The following NFX1 variants were observed in gnomAD, a reference collection of about 807,000 sequenced individuals.
NFX1 encodes the protein transcriptional repressor NF-X1.
A neutral mutation model predicts 137.2 loss-of-function variants in NFX1; 69 were observed. That is an observed-to-expected ratio of 0.50 (90% CI 0.41 to 0.61). The LOEUF is 0.61. Ranked by LOEUF, NFX1 falls within the 20% of genes least tolerant of loss-of-function variation. The pLI, the probability that NFX1 is intolerant of heterozygous loss-of-function variation, is 0.00. For synonymous variants in NFX1, 495 were observed against 474.1 expected (o/e 1.04, Z -0.57); for missense variants, 1,167 against 1,391.0 (o/e 0.84, Z 2.56).
intron 19 of NFX1, among the ~76,000 whole-genome samples, chr9:33,361,925 C>A (rs1824005380): frequency 6.6e-6 from 1 of 151,760 alleles, no homozygotes; most frequent in African/African-American, 2.4e-5. Context: ...GAGTTCAAGA[C>A]CAGCCTGGGC....
chr9:33,292,358 C>CT (rs2118140094), intron 1 of NFX1, among the ~76,000 whole-genome samples: 1 of 152,362 alleles, frequency 6.6e-6, no homozygotes, highest in African/African-American at 2.4e-5. Context: ...GCAGAGGATA[C>CT]TTTTCTGCCG....
intron 11 of NFX1, 30 bp from the exon 12 acceptor site, chr9:33,338,480 T>A: frequency 6.3e-7 from 1 of 1,597,610 alleles, no homozygotes; most frequent in Non-Finnish European, 8.6e-7. Flanking sequence ...TTTGTCTGGT[T>A]TTTTTTTTCT....
chr9:33,358,042 C>T (rs1823868889), intron 19 of NFX1, among the ~76,000 whole-genome samples: 1 of 151,970 alleles, frequency 6.6e-6, no homozygotes, highest in Non-Finnish European at 1.5e-5. Flanking sequence ...TTATGGTTTT[C>T]TATATATAAA....
At chr9:33,306,293 A>G (rs1324552274) in intron 4 of NFX1, among the ~76,000 whole-genome samples, 1 of 152,212 alleles carries the variant, frequency 6.6e-6, no homozygotes, top group Non-Finnish European at 1.5e-5. Context: ...CAGAAATAGG[A>G]AACCCTGAAA....
intron 2 of NFX1, among the ~76,000 whole-genome samples, chr9:33,298,604 C>G (rs1283040924): frequency 6.6e-6 from 1 of 152,064 alleles, no homozygotes; most frequent in East Asian, 1.9e-4. Context: ...TTAATGAGAC[C>G]CCATCTCTGC....
intron 9 of NFX1, among the ~76,000 whole-genome samples, chr9:33,325,814 G>A (rs1822563769): frequency 6.6e-6 from 1 of 152,078 alleles, no homozygotes; most frequent in Admixed American, 6.6e-5. Context: ...CAGGCTATAA[G>A]CAAGTAAACC....
chr9:33,357,001 A>AAG lies in NFX1; in HGVS notation c.2873+2110_2873+2111insGA, dbSNP rs750866215. On this transcript the variant is annotated intron_variant, in intron 19 of 23. Coordinates refer to ENST00000379540, the MANE Select transcript of NFX1 (RefSeq NM_002504.6). ...AGTGAAATGCTGTCTCAAAAAAAAAAAAAAAAAATAAGCCGGGCATGGTGG... is the reference window on the plus strand; with the variant it reads ...AGTGAAATGCTGTCTCAAAAAAAAAAAGAAAAAAAATAAGCCGGGCATGGTGG... Among the ~76,000 whole-genome samples, 18 of 151,802 alleles carry AAG rather than the reference A, an allele frequency of 1.2e-4. No homozygotes were observed. The East Asian group carries it at 2.3e-3, about 20-fold the overall frequency.
chr9:33,304,431 G>A (rs1317626043), intron 4 of NFX1, among the ~76,000 whole-genome samples: 2 of 151,998 alleles, frequency 1.3e-5, no homozygotes, highest in South Asian at 2.1e-4. Flanking sequence ...GTTTCTGCAT[G>A]CTCTCCTTAT....
intron 15 of NFX1, among the ~76,000 whole-genome samples, chr9:33,349,331 T>C (rs1352437186): frequency 6.6e-6 from 1 of 152,082 alleles, no homozygotes; most frequent in African/African-American, 2.4e-5. Flanking sequence ...GCTCTCCAGG[T>C]GTTCTGGAAA....
chr9:33,310,705 T>C (rs1361075756), intron 5 of NFX1, among the ~76,000 whole-genome samples: 1 of 152,234 alleles, frequency 6.6e-6, no homozygotes. Flanking sequence ...ATTTGAGTTC[T>C]ATTACTTTGC....
chr9:33,317,425 A>T (rs1285999468), intron 7 of NFX1, among the ~76,000 whole-genome samples: 6 of 149,984 alleles, frequency 4.0e-5, no homozygotes, highest in East Asian at 2.0e-4. Context: ...TCTCCAAAAA[A>T]AAAAAAAAAA....
At chr9:33,312,749 T>G (rs1822008373) in intron 6 of NFX1, among the ~76,000 whole-genome samples, 1 of 152,194 alleles carries the variant, frequency 6.6e-6, no homozygotes, top group Non-Finnish European at 1.5e-5. Flanking sequence ...CACGTGCCTG[T>G]AGCCCCAGCT....
At chr9:33,323,146 C>T (rs1475410996) in intron 9 of NFX1, among the ~76,000 whole-genome samples, 1 of 152,110 alleles carries the variant, frequency 6.6e-6, no homozygotes, top group African/African-American at 2.4e-5. Flanking sequence ...GACTGTCATT[C>T]CAGGGTCAGT....
At chr9:33,317,262 T>C (rs1822195368) in intron 7 of NFX1, among the ~76,000 whole-genome samples, 1 of 150,582 alleles carries the variant, frequency 6.6e-6, no homozygotes, top group South Asian at 2.1e-4. Flanking sequence ...CTACAAAAAA[T>C]ACAAAAGCTA....
chr9:33,349,518 A>T (rs1372995722), intron 15 of NFX1, among the ~76,000 whole-genome samples: 1 of 152,118 alleles, frequency 6.6e-6, no homozygotes, highest in Non-Finnish European at 1.5e-5. Flanking sequence ...TATGTCCTAG[A>T]TGTTGGAAGT....
intron 19 of NFX1, among the ~76,000 whole-genome samples, chr9:33,358,037 G>T (rs917459185): frequency 2.0e-5 from 3 of 151,964 alleles, no homozygotes; most frequent in African/African-American, 7.2e-5. Flanking sequence ...ATACTTTATG[G>T]TTTTCTATAT....
intron 16 of NFX1, among the ~76,000 whole-genome samples, chr9:33,352,063 A>G (rs1288692341): frequency 6.6e-6 from 1 of 152,202 alleles, no homozygotes; most frequent in East Asian, 1.9e-4. Context: ...TGTTTACTCC[A>G]TTTATTTAAT....
In NFX1 at chr9:33,313,690, C is replaced by T. The variant is rs200530506; in HGVS notation, c.1485C>T (p.His495=). The change falls in exon 7 of 24, where the codon CAC becomes CAT. Residue 495 remains histidine (H), a synonymous_variant. Coordinates refer to ENST00000379540, the MANE Select transcript of NFX1 (RefSeq NM_002504.6). ...GCTGTGGTCAGGCTGTCTCAGTCCA[C>T]TGTTCTAACCCATGTGAGAATATTT... ...TVRCGQAVSV[H]CSNPCENILN... is the part of the protein sequence containing the mutation. 1.9e-6 allele frequency: 3 copies of T among 1,614,030 alleles called. No homozygotes were observed. In the African/African-American group the frequency reaches 4.0e-5, roughly 22 times the overall value.
chr9:33,332,675 A>T, intron 11 of NFX1, 173 bp downstream of exon 11: 1 of 528,782 alleles, frequency 1.9e-6, no homozygotes, highest in Non-Finnish European at 3.5e-6. Flanking sequence ...CTAATTGATG[A>T]AATGCTGAAA....
Sources: allele counts gnomAD v4.1 joint callset (sites outside exome capture counted in the v4.1 genomes callset), GRCh38; gene constraint gnomAD v4.1.1; transcripts MANE v1.5; gene names NCBI Gene and HGNC (gene_info 2026-07-23, HGNC 2026-07-21).